Variants in C12orf75 observed in about 807,000 individuals in gnomAD.
C12orf75 encodes the protein overexpressed in colon carcinoma 1 protein.
In C12orf75, 4 loss-of-function variants were observed where a neutral mutation model predicts 11.4. The observed-to-expected ratio is 0.35, with a 90% CI of 0.17 to 0.80. The LOEUF is 0.80. Ranked by LOEUF, C12orf75 falls within the 30% of genes least tolerant of loss-of-function variation. C12orf75 has a pLI of 0.52. For missense variants in C12orf75, 89 were observed against 80.4 expected (o/e 1.11, Z -0.41); for synonymous variants, 30 against 30.0 (o/e 1.00, Z 0.00).
At chr12:105,352,899 CTCTT>C (rs1892731048) in intron 2 of C12orf75, among the ~76,000 whole-genome samples, 1 of 152,202 alleles carries the variant, frequency 6.6e-6, no homozygotes, top group Non-Finnish European at 1.5e-5. Flanking sequence ...ATTTTTCCCT[CTCTT>C]TCTGTCTCTT....
At chr12:105,354,118 G>T (rs756098903) in intron 2 of C12orf75, among the ~76,000 whole-genome samples, 1 of 152,148 alleles carries the variant, frequency 6.6e-6, no homozygotes, top group Non-Finnish European at 1.5e-5. Flanking sequence ...TCTCATCCAT[G>T]TAGTAGAAGG....
intron 2 of C12orf75, among the ~76,000 whole-genome samples, chr12:105,350,243 A>T (rs962300289): frequency 2.0e-5 from 3 of 152,212 alleles, no homozygotes; most frequent in Non-Finnish European, 4.4e-5. Context: ...AATTATTCCC[A>T]TCGTCCTCTG....
chr12:105,362,766 A>G (rs1892890805), intron 2 of C12orf75, among the ~76,000 whole-genome samples: 1 of 152,132 alleles, frequency 6.6e-6, no homozygotes. Flanking sequence ...AGCAGGAATT[A>G]GGATCACACA....
rs1471478135 is a variant in C12orf75 at position 105,330,913 on chromosome 12, G to A, written c.22G>A (p.Ala8Thr). MGCGNST[A>T]TSAGAGQGPA... ...CGCGATGGGCTGCGGGAACTCCACC[G>A]CCACCAGCGCGGGCGCGGGCCAAGG... Residue 8 changes from alanine (A) to threonine (T), a missense_variant, in exon 1 of 6, where the codon GCC becomes ACC. Ala to Thr is a moderately conservative substitution (Grantham distance 58, BLOSUM62 0). Transcript: ENST00000443585. 1.0e-5 allele frequency: 13 copies of A among 1,241,232 alleles called. No individual in the cohort carries two copies. Among genetic ancestry groups the A allele is most frequent in the Non-Finnish European group, 1.3e-5 (13 of 994,794 alleles). The allele number at this position is 1,241,232 out of a possible 1,614,324, so 76.9% of individuals were successfully genotyped here. A position where few individuals can be genotyped will look rare whatever the true frequency, so the allele number is the denominator to read the frequency against.
rs1347612920 is a variant in C12orf75 at position 105,370,776 on chromosome 12, T to C, written c.*176T>C. 2.2e-6 allele frequency: 1 copy of C among 454,994 alleles called. No homozygotes were observed. The highest frequency in any genetic ancestry group is 7.0e-5 in the East Asian group (1 of 14,360). The allele number at this position is 454,994 out of a possible 1,614,324, so 28.2% of individuals were successfully genotyped here. On this transcript the variant is annotated 3_prime_UTR_variant, in exon 6 of 6. Coordinates refer to ENST00000443585, the MANE Select transcript of C12orf75 (RefSeq NM_001145199.2). ...TATACATAAAACCCTGGGTACATAT[T>C]GTTGTGGTAATAGAAGGGAATTGGT...
intron 1 of C12orf75, among the ~76,000 whole-genome samples, chr12:105,333,117 A>G (rs1892457143): frequency 6.6e-6 from 1 of 152,166 alleles, no homozygotes; most frequent in African/African-American, 2.4e-5. Flanking sequence ...CATGATGAGC[A>G]GGGAGTTATT....
chr12:105,355,426 C>T (rs1892768012), intron 2 of C12orf75, among the ~76,000 whole-genome samples: 1 of 152,100 alleles, frequency 6.6e-6, no homozygotes, highest in South Asian at 2.1e-4. Flanking sequence ...CCTTGGCCTC[C>T]CAAAGTGCTA....
At chr12:105,360,320 A>G (rs2136149888) in intron 2 of C12orf75, among the ~76,000 whole-genome samples, 1 of 152,350 alleles carries the variant, frequency 6.6e-6, no homozygotes, top group South Asian at 2.1e-4. Context: ...AGCTGTAGTG[A>G]CCAGAAAAGA....
At chr12:105,357,351 G>A (rs1284974827) in intron 2 of C12orf75, among the ~76,000 whole-genome samples, 1 of 152,152 alleles carries the variant, frequency 6.6e-6, no homozygotes, top group East Asian at 1.9e-4. Flanking sequence ...GTTGCCTTTG[G>A]TCAGTTGCTT....
intron 3 of C12orf75, 120 bp downstream of exon 3, chr12:105,365,962 G>A (rs978146015): frequency 5.3e-6 from 4 of 748,676 alleles, no homozygotes; most frequent in African/African-American, 1.7e-5. Flanking sequence ...TTGGCACAGA[G>A]AATACAGGTA....
At chr12:105,364,913 C>T (rs1194375168) in intron 2 of C12orf75, among the ~76,000 whole-genome samples, 17 of 147,162 alleles carry the variant, frequency 1.2e-4, no homozygotes, top group African/African-American at 4.1e-4. Flanking sequence ...GTGATCTCTG[C>T]TCACTGCAAC....
At chr12:105,366,720 AT>A in intron 4 of C12orf75, 24 bp downstream of exon 4, 2 of 1,207,828 alleles carry the variant, frequency 1.7e-6, no homozygotes, top group Non-Finnish European at 2.4e-6. Context: ...TGTGCTGTTG[AT>A]TTTCCCTAAT....
intron 3 of C12orf75, 187 bp from the exon 4 acceptor site, chr12:105,366,427 TAAA>T: frequency 2.7e-6 from 1 of 375,068 alleles, no homozygotes; most frequent in African/African-American, 2.1e-5. Flanking sequence ...TTCTTTTTTT[TAAA>T]AAAAATAGCT....
intron 2 of C12orf75, among the ~76,000 whole-genome samples, chr12:105,361,393 AT>A (rs1892863460): frequency 6.6e-6 from 1 of 152,178 alleles, no homozygotes; most frequent in Non-Finnish European, 1.5e-5. Context: ...CACTTGAGAA[AT>A]TGAGAACAAG....
At chr12:105,355,189 T>TTTTTC (rs1555265699) in intron 2 of C12orf75, among the ~76,000 whole-genome samples, 12 of 139,554 alleles carry the variant, frequency 8.6e-5, no homozygotes, top group East Asian at 4.3e-4. Flanking sequence ...TCTTTTTTTT[T>TTTTTC]TTCAGAGTTT....
chr12:105,364,388 A>G (rs1157281285), intron 2 of C12orf75, among the ~76,000 whole-genome samples: 2 of 152,238 alleles, frequency 1.3e-5, no homozygotes, highest in Non-Finnish European at 2.9e-5. Flanking sequence ...TTTAGGTTAT[A>G]TGCTCAGTTT....
chr12:105,348,427 A>C (rs925463517), intron 1 of C12orf75, among the ~76,000 whole-genome samples, 175 bp from the exon 2 acceptor site: 16 of 152,130 alleles, frequency 1.1e-4, no homozygotes, highest in Non-Finnish European at 2.2e-4. Flanking sequence ...ACAAAAAAAA[A>C]AAAAAAAAAA....
chr12:105,345,496 T>C (rs961136481), intron 1 of C12orf75, among the ~76,000 whole-genome samples: 2 of 144,372 alleles, frequency 1.4e-5, no homozygotes, highest in Admixed American at 6.9e-5. Context: ...AAAACAAATA[T>C]AAAAAAAAAA....
intron 1 of C12orf75, among the ~76,000 whole-genome samples, chr12:105,338,548 T>C (rs1244949817): frequency 1.3e-5 from 2 of 152,208 alleles, no homozygotes; most frequent in Non-Finnish European, 2.9e-5. Flanking sequence ...AAGGAATACC[T>C]GAGACGGGGT....
Sources: gnomAD v4.1 joint callset for allele counts (sites outside exome capture counted in the v4.1 genomes callset) on GRCh38, gnomAD v4.1.1 for gene constraint, MANE v1.5 for transcripts, NCBI Gene and HGNC (gene_info 2026-07-23, HGNC 2026-07-21) for gene names.